Variants in VWCE observed in about 807,000 individuals in gnomAD.
VWCE encodes the protein von Willebrand factor C and EGF domain-containing protein.
A neutral mutation model predicts 102.9 loss-of-function variants in VWCE; 68 were observed. The observed-to-expected ratio is 0.66, with a 90% CI of 0.54 to 0.81. The LOEUF is 0.81. VWCE is among the 30% of genes least tolerant of loss of function. VWCE has a pLI of 0.00. For missense variants in VWCE, 1,137 were observed against 1,263.6 expected, an observed-to-expected ratio of 0.90 and a Z score of 1.52; for synonymous variants, 497 against 515.4, an observed-to-expected ratio of 0.96 and a Z score of 0.48.
intron 19 of VWCE, among the ~76,000 whole-genome samples, chr11:61,260,555 C>T (rs567027741): frequency 7.2e-5 from 11 of 152,236 alleles, no homozygotes; most frequent in Non-Finnish European, 1.6e-4. Flanking sequence ...GCCTTAGCCT[C>T]CCAAAGTGCC....
intron 9 of VWCE, among the ~76,000 whole-genome samples, chr11:61,279,483 A>T (rs1452414034): frequency 6.6e-6 from 1 of 151,048 alleles, no homozygotes; most frequent in Non-Finnish European, 1.5e-5. Context: ...GATTGCTTAA[A>T]CCCTAGAGGC....
At chr11:61,284,546 A>G (rs914642624) in intron 5 of VWCE, among the ~76,000 whole-genome samples, 12 of 152,320 alleles carry the variant, frequency 7.9e-5, no homozygotes, top group Non-Finnish European at 1.2e-4. Context: ...CCGCCAATGT[A>G]ATGGCATTTG....
chr11:61,270,125 T>C (rs1441397363), intron 14 of VWCE, among the ~76,000 whole-genome samples: 7 of 152,004 alleles, frequency 4.6e-5, no homozygotes. Flanking sequence ...TTCACCATGT[T>C]AGCCAGGATG....
chr11:61,292,596 C>A (rs967398115), intron 1 of VWCE, among the ~76,000 whole-genome samples: 1 of 152,040 alleles, frequency 6.6e-6, no homozygotes, highest in Non-Finnish European at 1.5e-5. Flanking sequence ...AAACTGGAGG[C>A]AGTAGGGGTC....
chr11:61,266,897 C>A (rs904832842), intron 16 of VWCE, among the ~76,000 whole-genome samples: 1 of 152,198 alleles, frequency 6.6e-6, no homozygotes, highest in African/African-American at 2.4e-5. Flanking sequence ...CCACCCTCAT[C>A]AAGAATCCCT....
intron 12 of VWCE, chr11:61,273,752 C>T (rs755741293): frequency 4.7e-5 from 8 of 170,668 alleles, no homozygotes; most frequent in Non-Finnish European, 7.5e-5. Flanking sequence ...ACGGCAGCTG[C>T]GTCCTCCAGA....
At chr11:61,279,324 C>T (rs1189459544) in intron 9 of VWCE, among the ~76,000 whole-genome samples, 3 of 152,124 alleles carry the variant, frequency 2.0e-5, no homozygotes, top group Non-Finnish European at 2.9e-5. Flanking sequence ...CATCCCAACA[C>T]TTTGGGAGGC....
intron 8 of VWCE, 34 bp downstream of exon 8, chr11:61,280,759 G>A: frequency 6.2e-7 from 1 of 1,613,030 alleles, no homozygotes; most frequent in East Asian, 2.2e-5. Flanking sequence ...CAAGGCCCCA[G>A]ACCAAGGAAG....
chr11:61,285,823 G>T (rs1262325837), intron 5 of VWCE, among the ~76,000 whole-genome samples: 1 of 152,118 alleles, frequency 6.6e-6, no homozygotes, highest in South Asian at 2.1e-4. Flanking sequence ...GTGCAATTTC[G>T]GCTCACTGCA....
intron 14 of VWCE, among the ~76,000 whole-genome samples, chr11:61,269,709 G>A (rs1854618243): frequency 6.6e-6 from 1 of 152,000 alleles, no homozygotes; most frequent in Non-Finnish European, 1.5e-5. Context: ...GCCTCCCAAA[G>A]TGCTGGGATT....
rs1477419124 is a variant in VWCE at position 61,264,527 on chromosome 11, G to T, written c.2190C>A (p.Asp730Glu). The T allele has an allele frequency of 6.2e-7, 1 of 1,613,518 alleles. No homozygotes were observed. The highest frequency in any genetic ancestry group is 1.3e-5 in the African/African-American group (1 of 75,040). Residue 730 changes from aspartate to glutamate, a missense_variant, in exon 19 of 20, where the codon GAC becomes GAA. Transcript: ENST00000335613. The stretch of plus-strand genomic sequence containing the variant: ...AGCAGTCCCCAGGAAGCAGGGCAGG[G>T]TCGGCACAGGCCCGCTGGCAGGGAA... ...EKVPCQRACA[D>E]PALLPGDCCS...
In VWCE at chr11:61,295,299, T is replaced by G; in HGVS notation, c.-262A>C. ...AAAGGCAACGCCGCCCGCCTGCTGA[T>G]GCCTCTCCGAGAGGCGCGGAGCCCG... is the stretch of plus-strand genomic sequence containing the variant. On this transcript the variant is annotated 5_prime_UTR_variant, in exon 1 of 20. Transcript: ENST00000335613. This position sits in a 1 kb window ranked among gnomAD's most constrained non-coding sequence, Gnocchi z 4.6. The G allele has an allele frequency of 3.1e-6, 1 of 317,826 alleles. No individual in the cohort carries two copies. Among genetic ancestry groups the G allele is most frequent in the Admixed American group, 5.0e-5 (1 of 20,150 alleles). The allele number at this position is 317,826 out of a possible 1,614,324, so 19.7% of individuals were successfully genotyped here.
intron 19 of VWCE, among the ~76,000 whole-genome samples, chr11:61,263,855 C>T (rs1313496745): frequency 3.9e-5 from 6 of 152,082 alleles, no homozygotes; most frequent in East Asian, 1.9e-4. Flanking sequence ...TTCTGCAAAA[C>T]GGACTCAGTT....
chr11:61,286,135 A>G, intron 5 of VWCE, 179 bp downstream of exon 5: 3 of 685,454 alleles, frequency 4.4e-6, no homozygotes, highest in Non-Finnish European at 2.6e-6. Flanking sequence ...GCCTTGGGCA[A>G]GCCTCAGTCT....
chr11:61,272,186 C>T (rs939449016), intron 13 of VWCE, among the ~76,000 whole-genome samples: 1 of 151,990 alleles, frequency 6.6e-6, no homozygotes, highest in Non-Finnish European at 1.5e-5. Flanking sequence ...CACAGACACA[C>T]ATGCACACAG....
chr11:61,260,209 C>T (rs1160875169), intron 19 of VWCE, among the ~76,000 whole-genome samples: 1 of 152,134 alleles, frequency 6.6e-6, no homozygotes, highest in Admixed American at 6.5e-5. Context: ...GAGCTGAGAT[C>T]GTGCCACTGC....
At position 61,281,805 on chromosome 11, in the gene VWCE, A is replaced by G; in HGVS notation, c.768T>C (p.Ala256=). ...GCTCACCTTCACAGGACACGCGGTC[A>G]GCTCGGAGCCTGAAGCCAGGTCGGC... ...CTCRPGFRLR[A]DRVSCEAFPK... The change falls in exon 7 of 20, where the codon GCT becomes GCC. Residue 256 remains alanine, a synonymous_variant. Transcript: ENST00000335613. 1 of 1,613,290 alleles carries G rather than the reference A, an allele frequency of 6.2e-7. No homozygotes were observed. Among genetic ancestry groups the G allele is most frequent in the Non-Finnish European group, 8.5e-7 (1 of 1,179,578 alleles).
rs1425142050 is a variant in VWCE at position 61,265,186 on chromosome 11, C to T, written c.1992G>A (p.Val664=). The T allele has an allele frequency of 6.6e-7, 1 of 1,506,004 alleles. No homozygotes were observed. The highest frequency in any genetic ancestry group is 8.9e-7 in the Non-Finnish European group (1 of 1,125,264). 93.3% of individuals were successfully genotyped at this position (1,506,004 alleles called of 1,614,324 possible). ...GGTAGGTACAGGTGATGGGGCAGTC[C>T]ACGGGGGAACAGGCCACTGAGCCCA... The part of the protein sequence containing the change: ...CLLGSVACSP[V]DCPITCTYPF... The change falls in exon 17 of 20, where the codon GTG becomes GTA. Residue 664 remains valine (V), a synonymous_variant. Transcript: ENST00000335613.
intron 19 of VWCE, among the ~76,000 whole-genome samples, chr11:61,260,713 C>T (rs1464595174): frequency 1.3e-5 from 2 of 152,074 alleles, no homozygotes; most frequent in Non-Finnish European, 2.9e-5. Context: ...TAAGTAAATC[C>T]CTATTTTTTA....
Sources: allele counts gnomAD v4.1 joint callset (sites outside exome capture counted in the v4.1 genomes callset), GRCh38; gene constraint gnomAD v4.1.1; non-coding constraint Gnocchi (gnomAD v3.1); transcripts MANE v1.5; gene names NCBI Gene and HGNC (gene_info 2026-07-23, HGNC 2026-07-21).